The following PSPH variants were observed in gnomAD, a reference collection of about 807,000 sequenced individuals.
PSPH encodes the protein L-3-phosphoserine phosphatase.
A neutral mutation model predicts 23.4 loss-of-function variants in PSPH; 16 were observed. The ratio of observed to expected loss-of-function variants is 0.68; its 90% confidence interval spans 0.46 to 1.04. The LOEUF (loss-of-function observed/expected upper bound fraction) is 1.04, where lower values mean the gene tolerates loss of function less well. Ranked by LOEUF, PSPH falls within the 50% of genes least tolerant of loss-of-function variation. PSPH has a pLI of 0.00. For synonymous variants in PSPH, 68 were observed against 99.7 expected (o/e 0.68, Z 1.89); for missense variants, 223 against 273.7 (o/e 0.81, Z 1.31).
chr7:56,047,220 C>CAAA (rs78062755), intron 1 of PSPH, among the ~76,000 whole-genome samples: 1 of 122,144 alleles, frequency 8.2e-6, no homozygotes, highest in Non-Finnish European at 1.8e-5. Flanking sequence ...CTTCTCTCTA[C>CAAA]AAAAAAAAAA....
At chr7:56,022,437 G>A (rs899519114) in intron 3 of PSPH, among the ~76,000 whole-genome samples, 7 of 152,146 alleles carry the variant, frequency 4.6e-5, no homozygotes, top group Non-Finnish European at 8.8e-5. Context: ...GCAGGGCATC[G>A]ATTTGGCATG....
intron 1 of PSPH, among the ~76,000 whole-genome samples, chr7:56,046,739 G>A (rs1204104032): frequency 2.1e-5 from 3 of 144,156 alleles, no homozygotes; most frequent in African/African-American, 5.2e-5. Context: ...AGCCGGTATC[G>A]CACCACTACA....
rs750648151 is a variant in PSPH, at chr7:56,021,213, C to A, written c.-1G>T. ...TCCTCAGCTCTGAGTGGGAGACCAT[C>A]GCTGGAAGAATTTTCCTCCTACAAG... is the stretch of plus-strand genomic sequence containing the variant. On this transcript the variant is annotated 5_prime_UTR_variant, in exon 4 of 8. Coordinates refer to ENST00000275605, the MANE Select transcript of PSPH (RefSeq NM_004577.4). 1 of 1,613,988 alleles carries A rather than the reference C, an allele frequency of 6.2e-7. No homozygotes were observed. The highest frequency in any genetic ancestry group is 1.1e-5 in the South Asian group (1 of 91,070).
At chr7:56,025,052 C>T (rs1790000731) in intron 3 of PSPH, among the ~76,000 whole-genome samples, 2 of 151,924 alleles carry the variant, frequency 1.3e-5, no homozygotes, top group Non-Finnish European at 2.9e-5. Context: ...GATCCTCCTG[C>T]CTCAGCCTCC....
chr7:56,022,626 GCT>G (rs1182829895), intron 3 of PSPH, among the ~76,000 whole-genome samples: 23 of 152,212 alleles, frequency 1.5e-4, no homozygotes, highest in Non-Finnish European at 1.5e-5. Context: ...CTAGGGCCAG[GCT>G]AAGGAGTTTA....
chr7:56,048,454 A>G (rs532238227), intron 1 of PSPH, among the ~76,000 whole-genome samples: 1 of 152,286 alleles, frequency 6.6e-6, no homozygotes, highest in South Asian at 2.1e-4. Context: ...GTGAAATGTA[A>G]TTTTGGATAA....
At chr7:56,020,144 G>T (rs188495706) in intron 4 of PSPH, among the ~76,000 whole-genome samples, 18 of 151,690 alleles carry the variant, frequency 1.2e-4, no homozygotes, top group African/African-American at 4.4e-4. Context: ...GCTGGAACCC[G>T]GGAGGCAGAG....
chr7:56,032,477 G>C (rs1256787304), intron 2 of PSPH, among the ~76,000 whole-genome samples: 3 of 150,712 alleles, frequency 2.0e-5, no homozygotes, highest in African/African-American at 7.3e-5. Flanking sequence ...CTAACATGGC[G>C]AAACCACGTC....
chr7:56,033,485 GAGACTCTGTCTGAAA>G (rs1472864397), intron 2 of PSPH: 1 of 146,002 alleles, frequency 6.8e-6, no homozygotes, highest in East Asian at 2.0e-4. Context: ...GCGACAGAAC[GAGACTCTGTCTGAAA>G]AAAAAAAAAA....
intron 7 of PSPH, among the ~76,000 whole-genome samples, chr7:56,013,192 C>CACAT (rs1054564693): frequency 6.5e-5 from 9 of 137,808 alleles, no homozygotes; most frequent in African/African-American, 2.4e-4. Context: ...CACACACACA[C>CACAT]ATATATATAG....
chr7:56,042,979 G>A (rs1433221833), intron 1 of PSPH, among the ~76,000 whole-genome samples: 1 of 152,104 alleles, frequency 6.6e-6, no homozygotes, highest in African/African-American at 2.4e-5. Flanking sequence ...GAGAAAAAAT[G>A]ATAGTTGGCG....
intron 2 of PSPH, among the ~76,000 whole-genome samples, chr7:56,032,971 G>A (rs1442581155): frequency 6.6e-6 from 1 of 151,066 alleles, no homozygotes; most frequent in Non-Finnish European, 1.5e-5. Flanking sequence ...AAGAAGGAAG[G>A]AAAGGAGGGT....
At chr7:56,027,920 A>G (rs1291219584) in intron 3 of PSPH, among the ~76,000 whole-genome samples, 1 of 141,838 alleles carries the variant, frequency 7.1e-6, no homozygotes, top group Non-Finnish European at 1.5e-5. Flanking sequence ...AAAGTGGGGC[A>G]TGGTGGTGCA....
intron 3 of PSPH, among the ~76,000 whole-genome samples, chr7:56,021,569 T>G (rs1407823226): frequency 7.5e-6 from 1 of 133,140 alleles, no homozygotes; most frequent in Non-Finnish European, 1.5e-5. Flanking sequence ...CTGTGCCTCC[T>G]TGAAGCCATC....
intron 1 of PSPH, among the ~76,000 whole-genome samples, chr7:56,040,723 G>GA (rs1415011727): frequency 6.6e-6 from 1 of 151,956 alleles, no homozygotes; most frequent in East Asian, 1.9e-4. Context: ...AAAGTCACTG[G>GA]AAACTCCAAG....
intron 3 of PSPH, among the ~76,000 whole-genome samples, chr7:56,027,522 G>A (rs1027797130): frequency 2.7e-5 from 4 of 150,888 alleles, no homozygotes; most frequent in African/African-American, 7.3e-5. Flanking sequence ...TCAGGAGTTC[G>A]AGACCACCCT....
chr7:56,028,520 C>A (rs59193297), intron 3 of PSPH, among the ~76,000 whole-genome samples: 28,635 of 152,086 alleles, frequency 0.19, 2,929 homozygotes, highest in African/African-American at 0.24. Flanking sequence ...GTGTAAGCCA[C>A]CATGCTGGCC....
At chr7:56,035,115 C>T (rs1193119844) in intron 1 of PSPH, among the ~76,000 whole-genome samples, 1 of 152,030 alleles carries the variant, frequency 6.6e-6, no homozygotes, top group South Asian at 2.1e-4. Flanking sequence ...CTGAGGCAAG[C>T]GGATCACCTG....
chr7:56,033,789 G>C (rs1402781899), intron 2 of PSPH, among the ~76,000 whole-genome samples, 172 bp downstream of exon 2: 2 of 152,154 alleles, frequency 1.3e-5, no homozygotes, highest in Non-Finnish European at 2.9e-5. Flanking sequence ...GATTAGACAA[G>C]TGAAGCTACC....
Sources: allele counts gnomAD v4.1 joint callset (sites outside exome capture counted in the v4.1 genomes callset), GRCh38; gene constraint gnomAD v4.1.1; transcripts MANE v1.5; gene names NCBI Gene and HGNC (gene_info 2026-07-23, HGNC 2026-07-21).